SARNP: variants seen among roughly 807,000 people sequenced by gnomAD.
SARNP encodes the protein SAP domain containing ribonucleoprotein, also known as SAP domain-containing ribonucleoprotein.
SARNP carries 5 observed loss-of-function variants against 38.1 expected under a neutral mutation model. The observed-to-expected ratio is 0.13, with a 90% CI of 0.07 to 0.28. The LOEUF is 0.28. Among genes scored for constraint, SARNP ranks in the 10% least tolerant of loss-of-function variants. The pLI is 1.00. For synonymous variants in SARNP, 84 were observed against 80.6 expected (o/e 1.04, Z -0.23); for missense variants, 180 against 243.9 (o/e 0.74, Z 1.75).
At chr12:55,783,161 C>T (rs7970816) in intron 9 of SARNP, among the ~76,000 whole-genome samples, 9 of 151,954 alleles carry the variant, frequency 5.9e-5, no homozygotes, top group African/African-American at 1.9e-4. Context: ...CCTTCACCAA[C>T]GGCACTGACC....
chr12:55,812,109 T>C (rs1448178885), intron 1 of SARNP, among the ~76,000 whole-genome samples: 1 of 152,176 alleles, frequency 6.6e-6, no homozygotes, highest in African/African-American at 2.4e-5. Flanking sequence ...CCCTGCAGCT[T>C]TGCCCTCCCC....
chr12:55,789,862 T>C (rs1400119871), intron 8 of SARNP, among the ~76,000 whole-genome samples: 1 of 148,386 alleles, frequency 6.7e-6, no homozygotes, highest in African/African-American at 2.5e-5. Context: ...GAGAATTCCT[T>C]GAACCCGGGA....
intron 1 of SARNP, among the ~76,000 whole-genome samples, chr12:55,807,370 C>G (rs537027255): frequency 4.5e-4 from 69 of 152,136 alleles, no homozygotes; most frequent in African/African-American, 1.6e-3. Flanking sequence ...TCTTTAATGT[C>G]CATTTATTAA....
At position 55,800,887 on chromosome 12, in the gene SARNP, T is replaced by C; in HGVS notation, c.150A>G (p.Ala50=). 1 of 1,613,088 alleles carries C rather than the reference T, an allele frequency of 6.2e-7. No individual in the cohort carries two copies. The highest frequency in any genetic ancestry group is 8.5e-7 in the Non-Finnish European group (1 of 1,179,124). The change falls in exon 3 of 11, where the codon GCA becomes GCG. Residue 50 remains alanine, a synonymous_variant. Coordinates refer to ENST00000336133, the MANE Select transcript of SARNP (RefSeq NM_033082.4). Reference sequence around the variant, plus strand: ...CATCTCCCAGTACATCTTCTTCATTTGCCTCCTCTTCAGCTAAAGAATATT... The same window carrying C: ...CATCTCCCAGTACATCTTCTTCATTCGCCTCCTCTTCAGCTAAAGAATATT... The part of the protein sequence containing the change: ...AYLEEHAEEE[A]NEEDVLGDET...
At position 55,789,129 on chromosome 12, in the gene SARNP, C is replaced by T; in HGVS notation, c.447G>A (p.Lys149=). 2 of 1,599,832 alleles carry T rather than the reference C, an allele frequency of 1.3e-6. No homozygotes were observed. Among genetic ancestry groups the T allele is most frequent in the Non-Finnish European group, 8.5e-7 (1 of 1,175,188 alleles). Residue 149 remains lysine, a synonymous_variant, in exon 9 of 11, where the codon AAG becomes AAA. Transcript: ENST00000336133. The part of the protein sequence containing the change: ...SDNKPMVNLD[K]LKERAQRFGL... Reference sequence around the variant, plus strand: ...CAAATCTTTGAGCTCTTTCCTTCAGCTTATCCAAGTTAACCTATAAAAACA... The same window carrying T: ...CAAATCTTTGAGCTCTTTCCTTCAGTTTATCCAAGTTAACCTATAAAAACA...
At chr12:55,801,653 C>T (rs1459410237) in intron 2 of SARNP, among the ~76,000 whole-genome samples, 1 of 152,166 alleles carries the variant, frequency 6.6e-6, no homozygotes, top group East Asian at 1.9e-4. Context: ...GAGTCTTACT[C>T]TGTCGCCCAG....
intron 4 of SARNP, among the ~76,000 whole-genome samples, chr12:55,799,218 G>A (rs910569847): frequency 9.9e-5 from 15 of 152,178 alleles, no homozygotes; most frequent in African/African-American, 3.6e-4. Context: ...ACTCCACTAT[G>A]TACTGACTTT....
chr12:55,798,202 T>C (rs1565680633), intron 4 of SARNP, among the ~76,000 whole-genome samples: 1 of 152,010 alleles, frequency 6.6e-6, no homozygotes, highest in Non-Finnish European at 1.5e-5. Flanking sequence ...GGCTGGAAAG[T>C]AGTATTTGAT....
rs866130310 is a variant in SARNP, at chr12:55,801,001, C to T, written c.137-101G>A. 4.3e-4 allele frequency: 428 copies of T among 985,604 alleles called. 2 individuals are homozygous for T. The highest frequency in any genetic ancestry group is 2.5e-3 in the Middle Eastern group (12 of 4,892). 61.1% of individuals were successfully genotyped at this position (985,604 alleles called of 1,614,324 possible). A position where few individuals can be genotyped will look rare whatever the true frequency, so the allele number is the denominator to read the frequency against. On this transcript the variant is annotated intron_variant, in intron 2 of 10. Coordinates refer to ENST00000336133, the MANE Select transcript of SARNP (RefSeq NM_033082.4). ...ATCACTTTGCTTTCCCCCAAAAAAT[C>T]CAACAGTGAAGGCAGAAACTGATGC...
downstream of SARNP, chr12:55,756,538 C>A (rs538231168): frequency 6.6e-6 from 1 of 152,284 alleles, no homozygotes; most frequent in East Asian, 1.9e-4. Context: ...CCAAAGTCTT[C>A]AGGTAAGGTG....
At chr12:55,795,823 GACT>G (rs1879803407) in intron 5 of SARNP, among the ~76,000 whole-genome samples, 199 bp downstream of exon 5, 1 of 152,132 alleles carries the variant, frequency 6.6e-6, no homozygotes, top group Non-Finnish European at 1.5e-5. Context: ...CATATAAAAA[GACT>G]ACAACTTCAA....
chr12:55,798,015 C>G (rs111809062), intron 4 of SARNP, among the ~76,000 whole-genome samples: 52 of 152,158 alleles, frequency 3.4e-4, no homozygotes, highest in Non-Finnish European at 7.3e-5. Flanking sequence ...TATTTTTTAA[C>G]CCACAGAAGC....
intron 8 of SARNP, among the ~76,000 whole-genome samples, 177 bp from the exon 9 acceptor site, chr12:55,789,320 T>C (rs1879595450): frequency 6.6e-6 from 1 of 152,184 alleles, no homozygotes; most frequent in African/African-American, 2.4e-5. Context: ...TGGCCTCCTC[T>C]GGAATGCAGT....
chr12:55,753,162 C>T (rs1878379225), downstream of SARNP: 1 of 152,218 alleles, frequency 6.6e-6, no homozygotes, highest in Non-Finnish European at 1.5e-5. Flanking sequence ...CCAGCCTCCA[C>T]AGAATGGAAG....
chr12:55,817,329 G>A (rs189676749), intron 1 of SARNP, among the ~76,000 whole-genome samples: 17 of 152,232 alleles, frequency 1.1e-4, no homozygotes, highest in Non-Finnish European at 2.2e-4. Flanking sequence ...TCCGACATGG[G>A]GCAAAAAGGA....
At chr12:55,786,603 C>CCG (rs1288677749) in intron 9 of SARNP, among the ~76,000 whole-genome samples, 1 of 152,174 alleles carries the variant, frequency 6.6e-6, no homozygotes, top group Non-Finnish European at 1.5e-5. Flanking sequence ...GCACCTGCCA[C>CCG]CGCGCCTGGC....
intron 9 of SARNP, among the ~76,000 whole-genome samples, chr12:55,762,235 T>C (rs1878698339): frequency 6.6e-6 from 1 of 151,632 alleles, no homozygotes; most frequent in African/African-American, 2.4e-5. Flanking sequence ...TACAGTGAGC[T>C]GAGATCATGC....
At chr12:55,793,717 A>AT (rs1161902281) in intron 7 of SARNP, 1 of 152,184 alleles carries the variant, frequency 6.6e-6, no homozygotes, top group African/African-American at 2.4e-5. Context: ...TTTCCTATCT[A>AT]TACATGCACT....
intron 9 of SARNP, among the ~76,000 whole-genome samples, chr12:55,780,552 C>T (rs1428284782): frequency 1.3e-5 from 2 of 152,090 alleles, no homozygotes; most frequent in Non-Finnish European, 2.9e-5. Context: ...TGCCTGTAAT[C>T]CCAGCTACTT....
Sources: allele counts gnomAD v4.1 joint callset (sites outside exome capture counted in the v4.1 genomes callset), GRCh38; gene constraint gnomAD v4.1.1; transcripts MANE v1.5; gene names NCBI Gene and HGNC (gene_info 2026-07-23, HGNC 2026-07-21).